The following ELMO1 variants were observed in gnomAD, a reference collection of about 807,000 sequenced individuals.
The protein encoded by ELMO1 is engulfment and cell motility protein 1.
In ELMO1, 26 loss-of-function variants were observed where a neutral mutation model predicts 98.9. The observed-to-expected ratio is 0.26, with a 90% CI of 0.19 to 0.36. The LOEUF (loss-of-function observed/expected upper bound fraction) is 0.36, where lower values mean the gene tolerates loss of function less well. Among genes scored for constraint, ELMO1 ranks in the 10% least tolerant of loss-of-function variants. The probability of loss-of-function intolerance (pLI) is 1.00; values close to 1 mark genes in which losing one functional copy is unlikely to be tolerated. For synonymous variants in ELMO1, 346 were observed against 346.0 expected (o/e 1.00, Z 0.00); for missense variants, 627 against 935.2 (o/e 0.67, Z 4.30).
chr7:37,342,479 G>A lies in ELMO1; in HGVS notation c.78+134C>T. 1.1e-6 allele frequency: 1 copy of A among 889,748 alleles called. No individual in the cohort carries two copies. 55.1% of individuals were successfully genotyped at this position (889,748 alleles called of 1,614,324 possible). ...ATGTGCTACAGAAATCAAGCACATT[G>A]CAACTATTATTGCACAGATTTTTCA... On this transcript the variant is annotated intron_variant, in intron 2 of 21. Coordinates refer to ENST00000310758, the MANE Select transcript of ELMO1 (RefSeq NM_014800.11). The surrounding 1 kb of genome is among the most constrained non-coding windows in gnomAD (Gnocchi z 4.3).
At chr7:37,016,704 A>G (rs1183477022) in intron 15 of ELMO1, among the ~76,000 whole-genome samples, 3 of 152,182 alleles carry the variant, frequency 2.0e-5, no homozygotes, top group Non-Finnish European at 4.4e-5. Flanking sequence ...GCAGCCACGC[A>G]CCGGGCACTG....
At chr7:37,266,627 T>C (rs1197409280) in intron 5 of ELMO1, among the ~76,000 whole-genome samples, 4 of 152,226 alleles carry the variant, frequency 2.6e-5, no homozygotes, top group Non-Finnish European at 5.9e-5. Flanking sequence ...TAGGGCATTA[T>C]GATTCACCTC....
chr7:37,232,929 A>T (rs1032827847), intron 8 of ELMO1, among the ~76,000 whole-genome samples, 166 bp downstream of exon 8: 20 of 152,148 alleles, frequency 1.3e-4, no homozygotes, highest in African/African-American at 4.6e-4. Flanking sequence ...TTTTATACAG[A>T]ATTTGGGTTT....
At position 36,938,193 on chromosome 7, in the gene ELMO1, ATGTGTTTCTTC is replaced by A. The variant is rs1584403075; in HGVS notation, c.1438-43187_1438-43177del. Among the ~76,000 whole-genome samples, 12 of 152,314 alleles carry A rather than the reference ATGTGTTTCTTC, an allele frequency of 7.9e-5. No individual in the cohort carries two copies. In the East Asian group the frequency reaches 2.3e-3, roughly 29 times the overall value. Reference sequence around the variant, plus strand: ...GAGATTTAGGGATCTTTGTCTCCAAATGTGTTTCTTCCAGTTATAGTTGTCATTGTAATTAT... The same window carrying A: ...GAGATTTAGGGATCTTTGTCTCCAAACAGTTATAGTTGTCATTGTAATTAT... On this transcript the variant is annotated intron_variant, in intron 16 of 21. Transcript: ENST00000310758.
At chr7:36,867,610 G>A (rs189346363) in intron 20 of ELMO1, among the ~76,000 whole-genome samples, 14 of 151,916 alleles carry the variant, frequency 9.2e-5, no homozygotes, top group East Asian at 5.8e-4. Context: ...ATTGATTTTC[G>A]TTCTTTCTTC....
chr7:36,963,133 C>T (rs1789105501), intron 16 of ELMO1, among the ~76,000 whole-genome samples: 1 of 152,190 alleles, frequency 6.6e-6, no homozygotes, highest in South Asian at 2.1e-4. Context: ...GCCTGTAATC[C>T]CAGCACTTTG....
chr7:36,911,463 G>C (rs1784336950), intron 16 of ELMO1, among the ~76,000 whole-genome samples: 2 of 152,120 alleles, frequency 1.3e-5, no homozygotes, highest in African/African-American at 4.8e-5. Context: ...GGCTGTAAAT[G>C]CTTGCTCTTT....
intron 15 of ELMO1, among the ~76,000 whole-genome samples, chr7:37,050,652 ACACACAC>A (rs1562922884): frequency 2.1e-5 from 3 of 146,012 alleles, no homozygotes; most frequent in South Asian, 2.2e-4. Context: ...ACACACACAC[ACACACAC>A]AAAAGGTAAC....
intron 1 of ELMO1, among the ~76,000 whole-genome samples, chr7:37,389,815 C>T (rs1802988361): frequency 6.6e-6 from 1 of 152,150 alleles, no homozygotes; most frequent in Admixed American, 6.5e-5. Context: ...GAAGCACGGG[C>T]ATCCCCCGAG....
intron 1 of ELMO1, among the ~76,000 whole-genome samples, chr7:37,346,307 A>C (rs761024817): frequency 5.3e-5 from 8 of 152,352 alleles, no homozygotes; most frequent in Non-Finnish European, 8.8e-5. Context: ...GCCTTTGGCA[A>C]ACTATACGAA....
intron 16 of ELMO1, among the ~76,000 whole-genome samples, chr7:36,952,414 G>A (rs964512760): frequency 1.3e-4 from 20 of 152,178 alleles, no homozygotes; most frequent in African/African-American, 3.6e-4. Flanking sequence ...AAGAGCAAGC[G>A]GGGCGGGGAG....
intron 4 of ELMO1, among the ~76,000 whole-genome samples, chr7:37,299,866 C>T (rs1203921036): frequency 6.1e-5 from 1 of 16,386 alleles, no homozygotes; most frequent in Admixed American, 1.2e-3. Flanking sequence ...GGCAGTATGG[C>T]CATTTTCACA....
At chr7:37,291,951 CACGGT>C (rs879438975) in intron 4 of ELMO1, among the ~76,000 whole-genome samples, 41,345 of 89,112 alleles carry the variant, frequency 0.46, 10,701 homozygotes, top group East Asian at 0.69. Context: ...TCCCTCTGCC[CACGGT>C]CTCCCTCTCC....
intron 16 of ELMO1, chr7:36,919,498 A>C: frequency 2.2e-6 from 1 of 455,008 alleles, no homozygotes; most frequent in South Asian, 1.6e-5. Context: ...TGGTTCTCTC[A>C]CTTATGGGCT....
At chr7:37,266,954 A>G (rs1796272399) in intron 5 of ELMO1, among the ~76,000 whole-genome samples, 1 of 149,966 alleles carries the variant, frequency 6.7e-6, no homozygotes, top group Non-Finnish European at 1.5e-5. Flanking sequence ...CGGAGATTTT[A>G]GTGAGCTGAA....
intron 2 of ELMO1, among the ~76,000 whole-genome samples, chr7:37,326,741 A>G (rs1259396340): frequency 6.6e-6 from 1 of 152,170 alleles, no homozygotes; most frequent in Non-Finnish European, 1.5e-5. Flanking sequence ...TCACTAAACT[A>G]TGAAGATAAG....
At chr7:36,929,143 A>G (rs1392077730) in intron 16 of ELMO1, among the ~76,000 whole-genome samples, 3 of 152,192 alleles carry the variant, frequency 2.0e-5, no homozygotes, top group African/African-American at 7.2e-5. Flanking sequence ...TACTGCCTCT[A>G]ATGGGGTAAG....
intron 15 of ELMO1, among the ~76,000 whole-genome samples, chr7:37,083,962 G>C (rs1365070891): frequency 2.0e-5 from 3 of 152,214 alleles, no homozygotes; most frequent in Non-Finnish European, 4.4e-5. Context: ...ATTTCCCATA[G>C]AGCGGGAGTG....
At chr7:37,402,049 CGTTCCCTATGAAGACTCCT>C (rs1228608718) in intron 1 of ELMO1, among the ~76,000 whole-genome samples, 2 of 152,230 alleles carry the variant, frequency 1.3e-5, no homozygotes, top group African/African-American at 4.8e-5. Context: ...TCAGGTCTTT[CGTTCCCTATGAAGACTCCT>C]GTGGCACGTA....
Sources: gnomAD v4.1 joint callset for allele counts (sites outside exome capture counted in the v4.1 genomes callset) on GRCh38, gnomAD v4.1.1 for gene constraint, Gnocchi (gnomAD v3.1) non-coding constraint, MANE v1.5 for transcripts, NCBI Gene and HGNC (gene_info 2026-07-23, HGNC 2026-07-21) for gene names.